SLC25A16: variants seen among roughly 807,000 people sequenced by gnomAD.
The protein encoded by SLC25A16 is solute carrier family 25 member 16.
Under a neutral mutation model 41.5 loss-of-function variants are expected in SLC25A16, and 39 were observed. The observed-to-expected ratio is 0.94, with a 90% CI of 0.73 to 1.23. SLC25A16 has a LOEUF of 1.23. Among genes scored for constraint, SLC25A16 ranks in the 50% most tolerant of loss-of-function variants. The pLI is 0.00. For synonymous variants in SLC25A16, 146 were observed against 147.8 expected (o/e 0.99, Z 0.09); for missense variants, 421 against 426.9 (o/e 0.99, Z 0.12).
At chr10:68,495,990 TG>T (rs1564914788) in intron 4 of SLC25A16, among the ~76,000 whole-genome samples, 1 of 152,084 alleles carries the variant, frequency 6.6e-6, no homozygotes, top group African/African-American at 2.4e-5. Flanking sequence ...CATATGTAAA[TG>T]CTTAAAATAA....
chr10:68,509,058 C>T (rs1264052991), intron 2 of SLC25A16, among the ~76,000 whole-genome samples: 1 of 152,162 alleles, frequency 6.6e-6, no homozygotes, highest in Admixed American at 6.6e-5. Flanking sequence ...AAATTAAGGG[C>T]CGGGCGCGGT....
chr10:68,485,337 G>A (rs145874072), intron 8 of SLC25A16, among the ~76,000 whole-genome samples: 3,399 of 152,094 alleles, frequency 0.022, 125 homozygotes, highest in African/African-American at 0.078. Flanking sequence ...TGATCCTCCC[G>A]CGTCAGCCTC....
chr10:68,525,048 A>AAAC (rs925240334), intron 1 of SLC25A16, among the ~76,000 whole-genome samples: 3 of 152,146 alleles, frequency 2.0e-5, no homozygotes, highest in South Asian at 2.1e-4. Context: ...CTCTGTCTCA[A>AAAC]AACAACAACA....
At chr10:68,506,762 T>C (rs961283051) in intron 2 of SLC25A16, 44 bp from the exon 3 acceptor site, 6 of 1,300,738 alleles carry the variant, frequency 4.6e-6, no homozygotes, top group African/African-American at 1.5e-5. Flanking sequence ...GAAAATTATC[T>C]AAACCTAAAT....
At chr10:68,485,662 C>T (rs555502351) in intron 8 of SLC25A16, among the ~76,000 whole-genome samples, 3 of 151,906 alleles carry the variant, frequency 2.0e-5, no homozygotes, top group African/African-American at 4.8e-5. Flanking sequence ...GGATTATAGG[C>T]GTGAGCCACT....
At chr10:68,500,083 G>T in intron 4 of SLC25A16, 2 of 226,158 alleles carry the variant, frequency 8.8e-6, no homozygotes, top group South Asian at 8.6e-5. Flanking sequence ...AGTATGTATT[G>T]GATTATAGTT....
chr10:68,521,482 T>C (rs916000625), intron 1 of SLC25A16, among the ~76,000 whole-genome samples: 1 of 151,886 alleles, frequency 6.6e-6, no homozygotes, highest in African/African-American at 2.4e-5. Context: ...TGAGCAGAGA[T>C]GGTGCCACTG....
At position 68,509,731 on chromosome 10, in the gene SLC25A16, C is replaced by CTATATCTATCTATCTA. The variant is rs1279425338; in HGVS notation, c.224-3014_224-3013insTAGATAGATAGATATA. Among the ~76,000 whole-genome samples the CTATATCTATCTATCTA allele has an allele frequency of 4.4e-5, 6 of 136,926 alleles. No individual in the cohort carries two copies. In the East Asian group the frequency reaches 6.0e-4, roughly 14 times the overall value. The allele number at this position is 136,926 out of a possible 152,430, so 89.8% of individuals were successfully genotyped here. A position where few individuals can be genotyped will look rare whatever the true frequency, so the allele number is the denominator to read the frequency against. ...AAAAAAAATCTATATATCTATCTAT[C>CTATATCTATCTATCTA]TATATATATATCTATATATATAGAT... On this transcript the variant is annotated intron_variant, in intron 2 of 8. Coordinates refer to ENST00000609923, the MANE Select transcript of SLC25A16 (RefSeq NM_152707.4).
chr10:68,502,391 C>T (rs989673853), intron 4 of SLC25A16, among the ~76,000 whole-genome samples: 6 of 151,386 alleles, frequency 4.0e-5, no homozygotes, highest in African/African-American at 9.7e-5. Context: ...AATCATAGAA[C>T]CGAAGGTCAA....
chr10:68,506,655 T>C lies in SLC25A16; in HGVS notation c.287A>G (p.Asn96Ser). The C allele has an allele frequency of 7.5e-6, 12 of 1,601,676 alleles. No individual in the cohort carries two copies. Among genetic ancestry groups the C allele is most frequent in the East Asian group, 2.3e-5 (1 of 44,444 alleles). Residue 96 changes from asparagine to serine, a missense_variant, in exon 3 of 9, where the codon AAT becomes AGT. Physicochemically the swap from Asn to Ser is conservative, Grantham distance 46. Transcript: ENST00000609923. Reference sequence around the variant, plus strand: ...AAAGATTCGAATCATCATTGCACCATTTCCTTTATACAATCCAAGGAATCC... The same window carrying C: ...AAAGATTCGAATCATCATTGCACCACTTCCTTTATACAATCCAAGGAATCC... The part of the protein sequence containing the change: ...KEGFLGLYKG[N>S]GAMMIRIFPY...
intron 6 of SLC25A16, among the ~76,000 whole-genome samples, chr10:68,492,579 A>G (rs779811387): frequency 1.7e-4 from 26 of 152,028 alleles, no homozygotes; most frequent in Non-Finnish European, 3.4e-4. Flanking sequence ...GACCAGCCTG[A>G]CCATGGGCAG....
At chr10:68,509,208 G>A (rs2133564249) in intron 2 of SLC25A16, among the ~76,000 whole-genome samples, 1 of 152,024 alleles carries the variant, frequency 6.6e-6, no homozygotes, top group South Asian at 2.1e-4. Context: ...ATGGTGGCGG[G>A]TGCCTGTAAT....
rs1224945980 is a variant in SLC25A16 at position 68,526,999 on chromosome 10, G to C, written c.130+247C>G. 3.9e-5 allele frequency among the ~76,000 whole-genome samples: 6 copies of C among 152,160 alleles called. No homozygotes were observed. In the East Asian group the frequency reaches 5.8e-4, roughly 15 times the overall value. Reference sequence around the variant, plus strand: ...CCTGTTATCCAGCCCTGAAGAATGGGTGCCTGATTCAGACCTTCCACCTCC... The same window carrying C: ...CCTGTTATCCAGCCCTGAAGAATGGCTGCCTGATTCAGACCTTCCACCTCC... On this transcript the variant is annotated intron_variant, in intron 1 of 8. Coordinates refer to ENST00000609923, the MANE Select transcript of SLC25A16 (RefSeq NM_152707.4).
In SLC25A16 at chr10:68,506,619, G is replaced by T. The variant is rs1161962992; in HGVS notation, c.323C>A (p.Ala108Glu). 6.2e-7 allele frequency: 1 copy of T among 1,604,058 alleles called. No individual in the cohort carries two copies. The highest frequency in any genetic ancestry group is 1.3e-5 in the African/African-American group (1 of 74,610). The change falls in exon 3 of 9, where the codon GCA becomes GAA. Residue 108 changes from alanine (A) to glutamate (E), a missense_variant. Ala to Glu is a moderately radical substitution (Grantham distance 107). Coordinates refer to ENST00000609923, the MANE Select transcript of SLC25A16 (RefSeq NM_152707.4). The stretch of plus-strand genomic sequence containing the variant: ...ATGCTCAAATGCCATAAACTGGATT[G>T]CACCATAGGGAAAGATTCGAATCAT... Reference protein sequence around the residue: ...AMMIRIFPYGAIQFMAFEHYK... With the variant: ...AMMIRIFPYGEIQFMAFEHYK...
chr10:68,495,356 G>A (rs149779100), intron 4 of SLC25A16, among the ~76,000 whole-genome samples: 3,149 of 151,684 alleles, frequency 0.021, 98 homozygotes, highest in African/African-American at 0.072. Context: ...CAGAGGTTGC[G>A]GTGAGCCAAG....
chr10:68,504,680 GTTTT>G (rs1369353244), intron 3 of SLC25A16, among the ~76,000 whole-genome samples: 33 of 142,210 alleles, frequency 2.3e-4, no homozygotes, highest in African/African-American at 8.0e-4. Flanking sequence ...ACCCGGCCTT[GTTTT>G]TTGTTTTTTG....
At chr10:68,518,344 A>G (rs1186010149) in intron 1 of SLC25A16, 2 of 150,230 alleles carry the variant, frequency 1.3e-5, no homozygotes, top group African/African-American at 4.9e-5. Flanking sequence ...CTTGAACCCA[A>G]AAGGTGGAGG....
chr10:68,492,124 T>A (rs193073650), intron 6 of SLC25A16, among the ~76,000 whole-genome samples: 1 of 152,298 alleles, frequency 6.6e-6, no homozygotes, highest in Non-Finnish European at 1.5e-5. Context: ...CCGGCTCCTT[T>A]TGCTTTAATA....
At chr10:68,521,604 T>C (rs1459216150) in intron 1 of SLC25A16, among the ~76,000 whole-genome samples, 4 of 46,408 alleles carry the variant, frequency 8.6e-5, no homozygotes, top group Non-Finnish European at 1.9e-4. Context: ...TTTTTTTTTT[T>C]TTTTTTTGAG....
Sources: gnomAD v4.1 joint callset for allele counts (sites outside exome capture counted in the v4.1 genomes callset) on GRCh38, gnomAD v4.1.1 for gene constraint, MANE v1.5 for transcripts, NCBI Gene and HGNC (gene_info 2026-07-23, HGNC 2026-07-21) for gene names.